Variants in MTMR12 observed in about 807,000 individuals in gnomAD.
MTMR12 encodes the protein myotubularin related protein 12.
MTMR12 carries 33 observed loss-of-function variants against 96.7 expected under a neutral mutation model. The ratio of observed to expected loss-of-function variants is 0.34; its 90% CI spans 0.26 to 0.46. The LOEUF (loss-of-function observed/expected upper bound fraction) is 0.46. Among genes scored for constraint, MTMR12 ranks in the 20% least tolerant of loss-of-function variants. The pLI is 1.00. For synonymous variants in MTMR12, 298 were observed against 327.2 expected, an observed-to-expected ratio of 0.91 and a Z score of 0.96; for missense variants, 721 against 896.1, an observed-to-expected ratio of 0.80 and a Z score of 2.49.
rs79728463 is a variant in MTMR12, at chr5:32,312,009, A to G, written c.81+749T>C. Among the ~76,000 whole-genome samples the G allele has an allele frequency of 0.011, 1,649 of 152,326 alleles. 27 individuals carry two copies. The highest frequency in any genetic ancestry group is 0.038 in the African/African-American group (1,574 of 41,562). On this transcript the variant is annotated intron_variant, in intron 1 of 15. Transcript: ENST00000382142. This position sits in a 1 kb window ranked among gnomAD's most constrained non-coding sequence, Gnocchi z 5.0. ...CCCCTCAAATAAGCTCCAGGAATGC[A>G]GAGATCTCTGTCCTGTTCACTGATG...
At chr5:32,294,165 T>C (rs1049003946) in intron 1 of MTMR12, among the ~76,000 whole-genome samples, 1 of 152,186 alleles carries the variant, frequency 6.6e-6, no homozygotes, top group African/African-American at 2.4e-5. Flanking sequence ...CAACTCACTG[T>C]CAAATCCACT....
At chr5:32,230,562 G>A (rs1747956464) in intron 15 of MTMR12, among the ~76,000 whole-genome samples, 1 of 152,182 alleles carries the variant, frequency 6.6e-6, no homozygotes, top group Non-Finnish European at 1.5e-5. Flanking sequence ...AACAAATGGG[G>A]AAGCAGGTGC....
chr5:32,281,085 T>C (rs1055787952), intron 1 of MTMR12, among the ~76,000 whole-genome samples: 3 of 151,576 alleles, frequency 2.0e-5, no homozygotes, highest in Non-Finnish European at 4.4e-5. Context: ...ACGTCTCTAC[T>C]GAAAATACAA....
intron 8 of MTMR12, among the ~76,000 whole-genome samples, chr5:32,251,094 C>T (rs372747950): frequency 4.4e-4 from 60 of 137,362 alleles, no homozygotes; most frequent in East Asian, 3.1e-3. Context: ...CTCGCTCTGT[C>T]GCCCAGGCTG....
In MTMR12 at chr5:32,229,585, G is replaced by A; in HGVS notation, c.*193C>T. ...CCTTCCAATTAGTAATACTACAGAT[G>A]CGGTTTTAATTGCATAGTCTTTTAG... On this transcript the variant is annotated 3_prime_UTR_variant, in exon 16 of 16. Coordinates refer to ENST00000382142, the MANE Select transcript of MTMR12 (RefSeq NM_001040446.3). The A allele has an allele frequency of 4.4e-6, 2 of 459,694 alleles. No homozygotes were observed. The highest frequency in any genetic ancestry group is 3.7e-6 in the Non-Finnish European group (1 of 272,172). The allele number at this position is 459,694 out of a possible 1,614,324, so 28.5% of individuals were successfully genotyped here.
At chr5:32,268,887 C>A (rs1436667329) in intron 5 of MTMR12, 93 bp from the exon 6 acceptor site, 2 of 959,460 alleles carry the variant, frequency 2.1e-6, no homozygotes, top group Non-Finnish European at 3.3e-6. Flanking sequence ...CTTAGTCATG[C>A]CAAAGGGGTT....
At chr5:32,263,778 G>A (rs115660458) in intron 6 of MTMR12, among the ~76,000 whole-genome samples, 8 of 152,032 alleles carry the variant, frequency 5.3e-5, no homozygotes, top group Non-Finnish European at 1.2e-4. Flanking sequence ...TCCATTCCTT[G>A]GAAAAGTAAT....
intron 2 of MTMR12, among the ~76,000 whole-genome samples, chr5:32,274,701 C>A (rs563221014): frequency 6.6e-5 from 10 of 152,172 alleles, no homozygotes; most frequent in African/African-American, 1.9e-4. Flanking sequence ...TCTGGCTCCA[C>A]GCTGGGAAAA....
chr5:32,239,183 G>A lies in MTMR12; in HGVS notation c.1172-10C>T, dbSNP rs1748360128. ...TCGGATGCATTCTCCTCTAGGAGAGGCCCCAGCAGCAGTGCAAAGAGGAAG... is the reference window on the plus strand; with the variant it reads ...TCGGATGCATTCTCCTCTAGGAGAGACCCCAGCAGCAGTGCAAAGAGGAAG... On this transcript the variant is annotated splice_polypyrimidine_tract_variant and intron_variant, in intron 12 of 15. Coordinates refer to ENST00000382142, the MANE Select transcript of MTMR12 (RefSeq NM_001040446.3). 6.4e-7 allele frequency: 1 copy of A among 1,564,500 alleles called. No individual in the cohort carries two copies. The highest frequency in any genetic ancestry group is 8.7e-7 in the Non-Finnish European group (1 of 1,150,350).
At chr5:32,230,417 C>G (rs1004207554) in intron 15 of MTMR12, 70 bp from the exon 16 acceptor site, 1 of 1,383,266 alleles carries the variant, frequency 7.2e-7, no homozygotes, top group South Asian at 1.4e-5. Context: ...GTTACCATAA[C>G]AAAAAGAGCA....
intron 1 of MTMR12, among the ~76,000 whole-genome samples, chr5:32,281,262 A>AC (rs1750283494): frequency 6.7e-6 from 1 of 150,254 alleles, no homozygotes; most frequent in African/African-American, 2.5e-5. Context: ...AAAAAAAAAA[A>AC]AACAAAAAAA....
chr5:32,243,643 T>C, intron 10 of MTMR12, 44 bp from the exon 11 acceptor site: 1 of 1,276,756 alleles, frequency 7.8e-7, no homozygotes, highest in Non-Finnish European at 1.1e-6. Context: ...CATTGTTCAC[T>C]GACATACTTG....
chr5:32,228,525 C>CAT lies in MTMR12; in HGVS notation c.*1251_*1252dup, dbSNP rs1017091115. The CAT allele has an allele frequency of 1.8e-4, 15 of 84,148 alleles. No individual in the cohort carries two copies. Among genetic ancestry groups the CAT allele is most frequent in the African/African-American group, 3.4e-4 (9 of 26,786 alleles). 5.2% of individuals were successfully genotyped at this position (84,148 alleles called of 1,614,324 possible). ...TTCCTGCATTAAAAAAAATATATAT[C>CAT]ATATATATGATATATATATCATATA... is the stretch of plus-strand genomic sequence containing the variant. On this transcript the variant is annotated 3_prime_UTR_variant, in exon 16 of 16. Transcript: ENST00000382142.
chr5:32,277,843 T>C (rs1052473168), intron 1 of MTMR12, among the ~76,000 whole-genome samples: 1 of 152,148 alleles, frequency 6.6e-6, no homozygotes, highest in Non-Finnish European at 1.5e-5. Flanking sequence ...AAGGTAAGAA[T>C]AGGAAAACAT....
intron 1 of MTMR12, among the ~76,000 whole-genome samples, chr5:32,300,224 C>T (rs1044269948): frequency 6.6e-6 from 1 of 152,164 alleles, no homozygotes; most frequent in African/African-American, 2.4e-5. Flanking sequence ...ATAACAGCAC[C>T]TAGCAGTTGT....
chr5:32,298,983 G>GA (rs1217058659), intron 1 of MTMR12, among the ~76,000 whole-genome samples: 1 of 150,962 alleles, frequency 6.6e-6, no homozygotes, highest in Non-Finnish European at 1.5e-5. Flanking sequence ...AACAATGCTG[G>GA]AAAGAAATGA....
intron 12 of MTMR12, 119 bp downstream of exon 12, chr5:32,241,937 AG>A: frequency 1.3e-6 from 1 of 774,744 alleles, no homozygotes; most frequent in Non-Finnish European, 2.0e-6. Context: ...AGAAAGGAAT[AG>A]GAAGGATTTC....
At chr5:32,247,481 G>T (rs1437612989) in intron 10 of MTMR12, among the ~76,000 whole-genome samples, 1 of 152,220 alleles carries the variant, frequency 6.6e-6, no homozygotes, top group African/African-American at 2.4e-5. Flanking sequence ...CCAGTAGGCA[G>T]CCTGGGCAGG....
intron 10 of MTMR12, among the ~76,000 whole-genome samples, chr5:32,244,724 G>A (rs546210496): frequency 6.6e-6 from 1 of 152,328 alleles, no homozygotes; most frequent in African/African-American, 2.4e-5. Flanking sequence ...TAATGTTTTA[G>A]TTTGAGTTAA....
Sources: gnomAD v4.1 joint callset for allele counts (sites outside exome capture counted in the v4.1 genomes callset) on GRCh38, gnomAD v4.1.1 for gene constraint, Gnocchi (gnomAD v3.1) non-coding constraint, MANE v1.5 for transcripts, NCBI Gene and HGNC (gene_info 2026-07-23, HGNC 2026-07-21) for gene names.